Variants in CENPU observed in about 807,000 individuals in gnomAD.
CENPU encodes KSHV latent nuclear antigen interacting protein 1.
Under a neutral mutation model 56.7 loss-of-function variants are expected in CENPU, and 46 were observed. The ratio of observed to expected loss-of-function variants is 0.81; its 90% CI spans 0.64 to 1.04. CENPU has a LOEUF of 1.04. CENPU is among the 50% of genes least tolerant of loss of function. The pLI is 0.00. For missense variants in CENPU, 510 were observed against 490.1 expected (o/e 1.04, Z -0.38); for synonymous variants, 166 against 163.0 (o/e 1.02, Z -0.14).
intron 2 of CENPU, among the ~76,000 whole-genome samples, chr4:184,729,735 C>A (rs1380715057): frequency 6.6e-6 from 1 of 152,114 alleles, no homozygotes; most frequent in Non-Finnish European, 1.5e-5. Flanking sequence ...TTTAAGGGTA[C>A]ACATGTGTAA....
At chr4:184,721,218 C>T (rs1184326074) in intron 4 of CENPU, among the ~76,000 whole-genome samples, 1 of 151,884 alleles carries the variant, frequency 6.6e-6, no homozygotes. Flanking sequence ...GCAGTACCTG[C>T]TAGCCTCATG....
intron 4 of CENPU, among the ~76,000 whole-genome samples, chr4:184,724,629 T>C (rs6852082): frequency 0.18 from 27,116 of 152,128 alleles, 2,719 homozygotes; most frequent in African/African-American, 0.26. Context: ...TATAGAGAAT[T>C]TGTAAATGAA....
At chr4:184,723,855 A>T (rs1181483317) in intron 4 of CENPU, among the ~76,000 whole-genome samples, 1 of 151,094 alleles carries the variant, frequency 6.6e-6, no homozygotes, top group Non-Finnish European at 1.5e-5. Context: ...AAAAAAAAAA[A>T]AAAAAAAAAA....
chr4:184,733,374 C>CA, intron 1 of CENPU: 5 of 989,768 alleles, frequency 5.1e-6, no homozygotes, highest in Non-Finnish European at 6.0e-6. Flanking sequence ...TGGCTTTGTG[C>CA]ACCGTCTGCA....
intron 8 of CENPU, among the ~76,000 whole-genome samples, chr4:184,709,163 C>G (rs1301963864): frequency 6.6e-6 from 1 of 151,910 alleles, no homozygotes. Context: ...TTTAAGGTCG[C>G]AAAAAGGTTG....
chr4:184,708,179 C>T (rs181133630), intron 8 of CENPU, among the ~76,000 whole-genome samples: 18 of 137,238 alleles, frequency 1.3e-4, no homozygotes, highest in African/African-American at 3.7e-4. Flanking sequence ...ACTGAGATCG[C>T]GCTACGGCAC....
At position 184,712,086 on chromosome 4, in the gene CENPU, A is replaced by G. The variant is rs534433195; in HGVS notation, c.688+858T>C. Among the ~76,000 whole-genome samples the G allele has an allele frequency of 2.5e-3, 354 of 143,270 alleles. 3 individuals carry two copies. The highest frequency in any genetic ancestry group is 5.1e-3 in the Admixed American group (68 of 13,242). 94.0% of individuals were successfully genotyped at this position (143,270 alleles called of 152,430 possible). A position where few individuals can be genotyped will look rare whatever the true frequency, so the allele number is the denominator to read the frequency against. On this transcript the variant is annotated intron_variant, in intron 7 of 12. Transcript: ENST00000281453. ...CAGTGAGCGGAGATCAAGCCACTGC[A>G]CTCCAGCCTGGCAACAGAGCAAGAC... is the stretch of plus-strand genomic sequence containing the variant.
chr4:184,696,692 A>G lies in CENPU; in HGVS notation c.1143+955T>C, dbSNP rs1760336212. Among the ~76,000 whole-genome samples, 3 of 150,270 alleles carry G rather than the reference A, an allele frequency of 2.0e-5. No individual in the cohort carries two copies. In the Admixed American group the frequency reaches 2.0e-4, roughly 10 times the overall value. The stretch of plus-strand genomic sequence containing the variant: ...CATAAAATATGTATACATTACATAT[A>G]TATATATTATATAAAATTATATTAG... On this transcript the variant is annotated intron_variant, in intron 12 of 12. Coordinates refer to ENST00000281453, the MANE Select transcript of CENPU (RefSeq NM_024629.4).
intron 2 of CENPU, 23 bp from the exon 3 acceptor site, chr4:184,729,058 C>A: frequency 6.4e-7 from 1 of 1,554,314 alleles, no homozygotes; most frequent in Non-Finnish European, 8.9e-7. Flanking sequence ...AAAGTTGAGT[C>A]ATTGAGTTGG....
chr4:184,716,434 G>A lies in CENPU; in HGVS notation c.581C>T (p.Ser194Phe). Residue 194 changes from serine (S) to phenylalanine (F), a missense_variant, in exon 6 of 13, where the codon TCT becomes TTT. Transcript: ENST00000281453. ...KKTGPLSAQPSVEKENLAIES... is the reference protein window; with the variant it reads ...KKTGPLSAQPFVEKENLAIES... ...TATTGCCAAGTTCTCTTTTTCAACA[G>A]AGGGCTGGGCACTAAGGGGTCCTGT... is the stretch of plus-strand genomic sequence containing the variant. 1 of 1,614,128 alleles carries A rather than the reference G, an allele frequency of 6.2e-7. No individual in the cohort carries two copies. The highest frequency in any genetic ancestry group is 8.5e-7 in the Non-Finnish European group (1 of 1,180,004).
At chr4:184,733,403 C>T in intron 1 of CENPU, 2 of 993,408 alleles carry the variant, frequency 2.0e-6, no homozygotes, top group Non-Finnish European at 2.4e-6. Flanking sequence ...AGACCCTTCC[C>T]GCCAGATCCA....
intron 12 of CENPU, 81 bp downstream of exon 12, chr4:184,697,566 C>A: frequency 7.4e-7 from 1 of 1,358,650 alleles, no homozygotes; most frequent in Non-Finnish European, 1.0e-6. Context: ...TGTCTTTCCC[C>A]AAAGCTTCTG....
intron 12 of CENPU, among the ~76,000 whole-genome samples, chr4:184,696,106 T>A (rs1327325245): frequency 6.6e-6 from 1 of 152,234 alleles, no homozygotes; most frequent in East Asian, 1.9e-4. Flanking sequence ...CTTTGATAGT[T>A]TGCTGTTTAA....
intron 12 of CENPU, among the ~76,000 whole-genome samples, chr4:184,695,958 G>A (rs1760279764): frequency 6.6e-6 from 1 of 152,168 alleles, no homozygotes; most frequent in Admixed American, 6.5e-5. Context: ...AATGATTCAT[G>A]TTAAAATTAG....
rs61369644 is a variant in CENPU, at chr4:184,715,432, C to T, written c.618+965G>A. On this transcript the variant is annotated intron_variant, in intron 6 of 12. Coordinates refer to ENST00000281453, the MANE Select transcript of CENPU (RefSeq NM_024629.4). ...GTTCAAGGTGATTCTCCTGCTACAACCTTCTGAGTAGCTGCGATTACAGGC... is the reference window on the plus strand; with the variant it reads ...GTTCAAGGTGATTCTCCTGCTACAATCTTCTGAGTAGCTGCGATTACAGGC... 6.9e-3 allele frequency among the ~76,000 whole-genome samples: 1,058 copies of T among 152,278 alleles called. 16 individuals carry two copies. The highest frequency in any genetic ancestry group is 0.025 in the African/African-American group (1,029 of 41,530).
chr4:184,729,356 A>G (rs1023225752), intron 2 of CENPU, among the ~76,000 whole-genome samples: 8 of 152,252 alleles, frequency 5.3e-5, no homozygotes, highest in African/African-American at 1.9e-4. Flanking sequence ...ATAAAGGACA[A>G]GAAAGTAAAT....
intron 9 of CENPU, 77 bp downstream of exon 9, chr4:184,702,286 T>C: frequency 7.0e-7 from 1 of 1,436,210 alleles, no homozygotes; most frequent in Non-Finnish European, 9.8e-7. Flanking sequence ...AATGCAAGCT[T>C]TTCTAAGACA....
chr4:184,699,672 T>TTTA, intron 11 of CENPU: 1 of 1,224,940 alleles, frequency 8.2e-7, no homozygotes, highest in Non-Finnish European at 1.1e-6. Flanking sequence ...GTCTCTCTTT[T>TTTA]TTTTTTGAGA....
At chr4:184,708,857 T>C (rs57316663) in intron 8 of CENPU, among the ~76,000 whole-genome samples, 27,079 of 152,060 alleles carry the variant, frequency 0.18, 2,699 homozygotes, top group African/African-American at 0.26. Context: ...ATAAAAGTGA[T>C]CAAATACCTA....
Sources: allele counts gnomAD v4.1 joint callset (sites outside exome capture counted in the v4.1 genomes callset), GRCh38; gene constraint gnomAD v4.1.1; transcripts MANE v1.5; gene names NCBI Gene and HGNC (gene_info 2026-07-23, HGNC 2026-07-21).